Variants in RABGAP1L observed in about 807,000 individuals in gnomAD.
RABGAP1L encodes rab GTPase-activating protein 1-like.
RABGAP1L carries 63 observed loss-of-function variants against 137.7 expected under a neutral mutation model. The ratio of observed to expected loss-of-function variants is 0.46; its 90% CI spans 0.37 to 0.56. The LOEUF (loss-of-function observed/expected upper bound fraction) is 0.56. Ranked by LOEUF, RABGAP1L falls within the 20% of genes least tolerant of loss-of-function variation. The pLI is 0.00. For missense variants in RABGAP1L, 1,095 were observed against 1,244.0 expected (o/e 0.88, Z 1.80); for synonymous variants, 431 against 433.7 (o/e 0.99, Z 0.08).
chr1:174,548,276 T>C, intron 13 of RABGAP1L: 2 of 1,337,606 alleles, frequency 1.5e-6, no homozygotes, highest in Non-Finnish European at 1.9e-6. Flanking sequence ...CTTTGCTATA[T>C]AACATTAGTT....
chr1:174,312,310 T>C (rs1572029363), intron 11 of RABGAP1L, among the ~76,000 whole-genome samples: 2 of 152,328 alleles, frequency 1.3e-5, no homozygotes, highest in South Asian at 2.1e-4. Flanking sequence ...GATATCTCAT[T>C]GTAGTTTTGA....
chr1:174,709,708 A>C (rs1558005519), intron 17 of RABGAP1L, among the ~76,000 whole-genome samples: 1 of 152,238 alleles, frequency 6.6e-6, no homozygotes, highest in Non-Finnish European at 1.5e-5. Context: ...AGATAAATCC[A>C]TGAAGATGAG....
chr1:174,748,442 G>T (rs1684060046), intron 17 of RABGAP1L, among the ~76,000 whole-genome samples: 1 of 152,164 alleles, frequency 6.6e-6, no homozygotes, highest in East Asian at 1.9e-4. Context: ...TCTGAGATGG[G>T]TTTCAATCAA....
At chr1:174,465,778 A>G (rs1024497129) in intron 13 of RABGAP1L, among the ~76,000 whole-genome samples, 8 of 152,204 alleles carry the variant, frequency 5.3e-5, no homozygotes, top group Admixed American at 2.0e-4. Context: ...GTTGCCTTCC[A>G]CCACAACAAC....
rs1263984346 is a variant in RABGAP1L at position 174,994,046 on chromosome 1, GCCTGTTTCCTACAA to G, written c.*4048_*4061del. On this transcript the variant is annotated 3_prime_UTR_variant, in exon 26 of 26. Coordinates refer to ENST00000681986, the MANE Select transcript of RABGAP1L (RefSeq NM_001366446.1). Reference sequence around the variant, plus strand: ...CAGAAGGCCAGACCACAGCTCTGCAGCCTGTTTCCTACAACCAGATATAAAACTCTTTCTCGTCG... The same window carrying G: ...CAGAAGGCCAGACCACAGCTCTGCAGCCAGATATAAAACTCTTTCTCGTCG... The G allele has an allele frequency of 6.6e-6, 1 of 152,236 alleles. No individual in the cohort carries two copies. The highest frequency in any genetic ancestry group is 2.4e-5 in the African/African-American group (1 of 41,464). The allele number at this position is 152,236 out of a possible 1,614,324, so 9.4% of individuals were successfully genotyped here.
chr1:174,723,897 A>G (rs754911106), intron 17 of RABGAP1L, among the ~76,000 whole-genome samples: 2 of 152,218 alleles, frequency 1.3e-5, no homozygotes, highest in Non-Finnish European at 2.9e-5. Flanking sequence ...AAATCAAGGT[A>G]ATGCCATGGT....
chr1:174,394,851 A>G (rs1647624873), intron 13 of RABGAP1L, among the ~76,000 whole-genome samples: 1 of 151,872 alleles, frequency 6.6e-6, no homozygotes, highest in Non-Finnish European at 1.5e-5. Context: ...AGAACTTTTT[A>G]TCTGCTGTAA....
intron 19 of RABGAP1L, among the ~76,000 whole-genome samples, chr1:174,915,557 A>G (rs970906675): frequency 6.6e-6 from 1 of 152,182 alleles, no homozygotes; most frequent in Non-Finnish European, 1.5e-5. Context: ...CGCAGGTTCA[A>G]GCGATTCTCC....
At chr1:174,869,151 A>T (rs1246817278) in intron 19 of RABGAP1L, among the ~76,000 whole-genome samples, 1 of 152,150 alleles carries the variant, frequency 6.6e-6, no homozygotes, top group African/African-American at 2.4e-5. Flanking sequence ...AACAACCAAC[A>T]TCAATCAAAT....
rs1425482679 is a variant in RABGAP1L at position 174,241,674 on chromosome 1, A to C, written c.717+17A>C. 1.3e-6 allele frequency: 2 copies of C among 1,577,770 alleles called. No homozygotes were observed. Among genetic ancestry groups the C allele is most frequent in the Non-Finnish European group, 8.6e-7 (1 of 1,157,072 alleles). On this transcript the variant is annotated intron_variant, in intron 5 of 25. Coordinates refer to ENST00000681986, the MANE Select transcript of RABGAP1L (RefSeq NM_001366446.1). ...AAAGAGGCAGTAAGTATAATATAGT[A>C]TAGCAATTTGCTATAGAGATGAATT...
Position 174,976,039 on chromosome 1 carries a change from T to C in RABGAP1L, c.2545-39T>C, listed in dbSNP as rs1350861360. The C allele has an allele frequency of 2.7e-5, 25 of 940,140 alleles. No individual in the cohort carries two copies. The East Asian group carries it at 5.7e-4, about 21-fold the overall frequency. 58.2% of individuals were successfully genotyped at this position (940,140 alleles called of 1,614,324 possible). On this transcript the variant is annotated intron_variant, in intron 21 of 25. Coordinates refer to ENST00000681986, the MANE Select transcript of RABGAP1L (RefSeq NM_001366446.1). ...CCACACACTTTCTTTACCCTCTGTA[T>C]GACTGTGATGTATGACTGTGATGCA... is the stretch of plus-strand genomic sequence containing the variant.
intron 11 of RABGAP1L, among the ~76,000 whole-genome samples, chr1:174,362,723 A>G (rs1684254141): frequency 6.6e-6 from 1 of 152,012 alleles, no homozygotes; most frequent in South Asian, 2.1e-4. Context: ...CCATTCTGTA[A>G]ATTGTCTGTT....
intron 19 of RABGAP1L, among the ~76,000 whole-genome samples, chr1:174,934,176 C>A (rs1664329344): frequency 6.6e-6 from 1 of 152,176 alleles, no homozygotes; most frequent in South Asian, 2.1e-4. Flanking sequence ...GCAACCTCCA[C>A]CTCCTGGGTT....
At chr1:174,946,936 ATATAT>A (rs1666919040) in intron 19 of RABGAP1L, among the ~76,000 whole-genome samples, 1 of 65,064 alleles carries the variant, frequency 1.5e-5, no homozygotes, top group Non-Finnish European at 2.8e-5. Flanking sequence ...ATATATATAT[ATATAT>A]GTGTGTGTGT....
At chr1:174,348,767 G>A (rs2148914280) in intron 11 of RABGAP1L, among the ~76,000 whole-genome samples, 1 of 150,204 alleles carries the variant, frequency 6.7e-6, no homozygotes, top group South Asian at 2.2e-4. Flanking sequence ...GAGAGCACAG[G>A]GTTGGGGGTA....
At chr1:174,194,680 A>T (rs995238347) in intron 1 of RABGAP1L, among the ~76,000 whole-genome samples, 1 of 152,168 alleles carries the variant, frequency 6.6e-6, no homozygotes, top group Non-Finnish European at 1.5e-5. Context: ...GTGGGCCGGC[A>T]CGCCTTAGCC....
At chr1:174,423,056 A>G (rs957766690) in intron 13 of RABGAP1L, among the ~76,000 whole-genome samples, 6 of 151,772 alleles carry the variant, frequency 4.0e-5, no homozygotes, top group African/African-American at 1.5e-4. Context: ...ATATAATTTC[A>G]TTTAACCTTT....
chr1:174,910,747 T>C lies in RABGAP1L; in HGVS notation c.2341-46710T>C, dbSNP rs1288345449. Among the ~76,000 whole-genome samples, 5 of 152,146 alleles carry C rather than the reference T, an allele frequency of 3.3e-5. No individual in the cohort carries two copies. In the East Asian group the frequency reaches 7.7e-4, roughly 23 times the overall value. Reference sequence around the variant, plus strand: ...CAAAATCAACATACAAAAATCATAATTGTAAGTCAGAGACGATCTGTGCAA... The same window carrying C: ...CAAAATCAACATACAAAAATCATAACTGTAAGTCAGAGACGATCTGTGCAA... On this transcript the variant is annotated intron_variant, in intron 19 of 25. Transcript: ENST00000681986.
At chr1:174,250,718 T>G in intron 6 of RABGAP1L, 86 bp downstream of exon 6, 1 of 1,234,016 alleles carries the variant, frequency 8.1e-7, no homozygotes, top group Non-Finnish European at 1.1e-6. Context: ...CTATACAGTG[T>G]TGGCATAAAG....
Sources: allele counts gnomAD v4.1 joint callset (sites outside exome capture counted in the v4.1 genomes callset), GRCh38; gene constraint gnomAD v4.1.1; transcripts MANE v1.5; gene names NCBI Gene and HGNC (gene_info 2026-07-23, HGNC 2026-07-21).